Variants in PGBD1 observed in about 807,000 individuals in gnomAD.
The protein encoded by PGBD1 is piggyBac transposable element-derived protein 1.
In PGBD1, 25 loss-of-function variants were observed where a neutral mutation model predicts 34.7. The ratio of observed to expected loss-of-function variants is 0.72; its 90% CI spans 0.52 to 1.00. PGBD1 has a LOEUF of 1.00. Among genes scored for constraint, PGBD1 ranks in the 50% least tolerant of loss-of-function variants. The pLI, the probability that PGBD1 is intolerant of heterozygous loss-of-function variation, is 0.00. For missense variants in PGBD1, 830 were observed against 959.4 expected, an observed-to-expected ratio of 0.87 and a Z score of 1.78; for synonymous variants, 292 against 335.7, an observed-to-expected ratio of 0.87 and a Z score of 1.42.
chr6:28,296,342 G>A (rs1394858294), intron 4 of PGBD1, among the ~76,000 whole-genome samples: 11 of 152,316 alleles, frequency 7.2e-5, no homozygotes, highest in African/African-American at 2.6e-4. Flanking sequence ...CAAATACATA[G>A]AAAATGCTGT....
intron 4 of PGBD1, among the ~76,000 whole-genome samples, chr6:28,295,292 A>G (rs1415081761): frequency 6.6e-6 from 1 of 152,244 alleles, no homozygotes; most frequent in Non-Finnish European, 1.5e-5. Context: ...CTCCTGGTGA[A>G]GCATTGTTGA....
At chr6:28,292,065 C>T (rs140988101) in intron 4 of PGBD1, among the ~76,000 whole-genome samples, 168 of 152,182 alleles carry the variant, frequency 1.1e-3, no homozygotes, top group African/African-American at 3.8e-3. Context: ...ACATAATACC[C>T]GAAGTCCTGG....
intron 1 of PGBD1, among the ~76,000 whole-genome samples, chr6:28,283,003 A>G (rs143086659): frequency 1.2e-4 from 18 of 152,348 alleles, no homozygotes; most frequent in African/African-American, 3.6e-4. Flanking sequence ...ATTGTTCCTC[A>G]GGATTATGCG....
intron 6 of PGBD1, among the ~76,000 whole-genome samples, chr6:28,298,261 G>A (rs1762720329): frequency 6.6e-6 from 1 of 151,956 alleles, no homozygotes; most frequent in African/African-American, 2.4e-5. Flanking sequence ...ACCCTTCCCT[G>A]GGCTCCCTTA....
At chr6:28,284,465 C>T (rs888239839) in intron 2 of PGBD1, among the ~76,000 whole-genome samples, 1 of 151,938 alleles carries the variant, frequency 6.6e-6, no homozygotes, top group Non-Finnish European at 1.5e-5. Flanking sequence ...CACACACATA[C>T]ATACACATAT....
At chr6:28,296,622 C>G (rs1194267900) in intron 4 of PGBD1, among the ~76,000 whole-genome samples, 194 bp from the exon 5 acceptor site, 1 of 152,178 alleles carries the variant, frequency 6.6e-6, no homozygotes, top group African/African-American at 2.4e-5. Flanking sequence ...GCATCTCTGG[C>G]CTCACCCTCT....
chr6:28,285,566 C>T lies in PGBD1; in HGVS notation c.412C>T (p.Gln138Ter). The T allele has an allele frequency of 6.2e-7, 1 of 1,614,022 alleles. No individual in the cohort carries two copies. The highest frequency in any genetic ancestry group is 8.5e-7 in the Non-Finnish European group (1 of 1,179,964). Residue 138 changes from glutamine to a stop codon, truncating the protein, a stop_gained, in exon 3 of 7, where the codon CAG (glutamine) becomes TAG (stop). Coordinates refer to ENST00000682144, the MANE Select transcript of PGBD1 (RefSeq NM_032507.4). LOFTEE classifies it high-confidence loss of function. ...DTGQQASVYIQGQDMHPMVAE... is the reference protein window; with the variant it reads ...DTGQQASVYI ...TTGTTTCCAGGCCTCTGTCTATATTCAGGGACAGGACATGCACCCAATGGT... is the reference window on the plus strand; with the variant it reads ...TTGTTTCCAGGCCTCTGTCTATATTTAGGGACAGGACATGCACCCAATGGT...
At position 28,285,635 on chromosome 6, in the gene PGBD1, C is replaced by T. The variant is rs1381246424; in HGVS notation, c.481C>T (p.Leu161Phe). The T allele has an allele frequency of 2.5e-6, 4 of 1,614,058 alleles. No individual in the cohort carries two copies. In the East Asian group the frequency reaches 8.9e-5, roughly 36 times the overall value. The change falls in exon 3 of 7, where the codon CTC (leucine) becomes TTC (phenylalanine). Residue 161 changes from leucine (L) to phenylalanine (F), a missense_variant. Leu to Phe is a conservative substitution (Grantham distance 22). Around this residue, in one of 3 missense-constraint regions of PGBD1, gnomAD observed 457 missense variants for 515.4 expected, o/e 0.89. Coordinates refer to ENST00000682144, the MANE Select transcript of PGBD1 (RefSeq NM_032507.4). ...GVSLECQSLQ[L>F]LPGITTLKCE... ...CTCTTTGGAGTGTCAGAGCCTCCAG[C>T]TCCTGCCTGGGATAACCACCCTGAA...
At chr6:28,286,020 G>A (rs898189922) in intron 3 of PGBD1, among the ~76,000 whole-genome samples, 1 of 152,094 alleles carries the variant, frequency 6.6e-6, no homozygotes, top group Non-Finnish European at 1.5e-5. Flanking sequence ...GTCTAACCCT[G>A]TATCTGAACA....
intron 5 of PGBD1, 151 bp downstream of exon 5, chr6:28,297,096 C>T: frequency 1.3e-6 from 1 of 792,038 alleles, no homozygotes; most frequent in Non-Finnish European, 2.0e-6. Flanking sequence ...TAGCCCTTAT[C>T]ACTTTGCATC....
At chr6:28,288,668 C>T (rs761867185) in intron 4 of PGBD1, among the ~76,000 whole-genome samples, 7 of 151,888 alleles carry the variant, frequency 4.6e-5, no homozygotes, top group Non-Finnish European at 7.4e-5. Context: ...CCAGCCTGAG[C>T]AACACAGCAA....
intron 5 of PGBD1, among the ~76,000 whole-genome samples, 181 bp from the exon 6 acceptor site, chr6:28,297,714 T>G (rs2113755868): frequency 6.6e-6 from 1 of 151,904 alleles, no homozygotes; most frequent in African/African-American, 2.4e-5. Flanking sequence ...CATTTTCCCA[T>G]ACCATGCCAC....
chr6:28,296,425 TCTAA>T (rs1378745442), intron 4 of PGBD1, among the ~76,000 whole-genome samples: 1 of 152,236 alleles, frequency 6.6e-6, no homozygotes, highest in African/African-American at 2.4e-5. Context: ...AGCTTCCTTC[TCTAA>T]CTTTCTTGAA....
chr6:28,296,109 T>A (rs1189333495), intron 4 of PGBD1, among the ~76,000 whole-genome samples: 1 of 152,194 alleles, frequency 6.6e-6, no homozygotes, highest in Admixed American at 6.5e-5. Context: ...TCTCAGACAG[T>A]TCCCCAAATA....
Position 28,283,903 on chromosome 6 carries a change from C to T in PGBD1, c.90C>T (p.Cys30=). 6.2e-7 allele frequency: 1 copy of T among 1,613,890 alleles called. No individual in the cohort carries two copies. The highest frequency in any genetic ancestry group is 1.7e-5 in the Admixed American group (1 of 60,004). Residue 30 remains cysteine, a synonymous_variant, in exon 2 of 7, where the codon TGC becomes TGT. Transcript: ENST00000682144. ...KEEDPTWEQV[C]NSQEGSSHTQ... ...AAGATCCCACCTGGGAGCAGGTGTG[C>T]AACTCACAGGAGGGCAGCTCCCACA... is the stretch of plus-strand genomic sequence containing the variant.
At chr6:28,290,026 A>G (rs1762397874) in intron 4 of PGBD1, among the ~76,000 whole-genome samples, 2 of 152,178 alleles carry the variant, frequency 1.3e-5, no homozygotes, top group African/African-American at 2.4e-5. Flanking sequence ...GCAAAAACCT[A>G]TAATAAATTC....
chr6:28,299,677 C>T (rs1762762411), intron 6 of PGBD1, among the ~76,000 whole-genome samples: 1 of 152,084 alleles, frequency 6.6e-6, no homozygotes, highest in African/African-American at 2.4e-5. Context: ...AAATTAAATG[C>T]ACATGTCTAA....
At chr6:28,285,099 GTT>G (rs1762247588) in intron 2 of PGBD1, among the ~76,000 whole-genome samples, 1 of 152,124 alleles carries the variant, frequency 6.6e-6, no homozygotes, top group Non-Finnish European at 1.5e-5. Flanking sequence ...AGTACAGCTA[GTT>G]TTTTTGGAGA....
chr6:28,292,662 T>TTCA (rs1372439240), intron 4 of PGBD1, among the ~76,000 whole-genome samples: 1 of 151,840 alleles, frequency 6.6e-6, no homozygotes. Flanking sequence ...AATGACATTC[T>TTCA]TCACAAAAAT....
Sources: allele counts gnomAD v4.1 joint callset (sites outside exome capture counted in the v4.1 genomes callset), GRCh38; gene constraint gnomAD v4.1.1; regional missense constraint gnomAD v4.1.1; transcripts MANE v1.5; gene names NCBI Gene and HGNC (gene_info 2026-07-23, HGNC 2026-07-21).